VGLL4: variants seen among roughly 807,000 people sequenced by gnomAD.
The protein encoded by VGLL4 is transcription cofactor vestigial-like protein 4.
A neutral mutation model predicts 21.0 loss-of-function variants in VGLL4; 7 were observed. That is an observed-to-expected ratio of 0.33 (90% CI 0.19 to 0.63). VGLL4 has a LOEUF of 0.63. VGLL4 is among the 20% of genes least tolerant of loss of function. VGLL4 has a pLI of 0.78. For synonymous variants in VGLL4, 222 were observed against 173.2 expected, an observed-to-expected ratio of 1.28 and a Z score of -2.21; for missense variants, 394 against 425.7, an observed-to-expected ratio of 0.93 and a Z score of 0.66.
chr3:11,669,947 C>T (rs1378340553), intron 2 of VGLL4, among the ~76,000 whole-genome samples: 1 of 152,206 alleles, frequency 6.6e-6, no homozygotes, highest in Non-Finnish European at 1.5e-5. Context: ...TGAGCCACCA[C>T]ACCCAGCTAG....
rs927766604 is a variant in VGLL4, at chr3:11,656,218, A to C, written c.64+46753T>G. Reference sequence around the variant, plus strand: ...TACCAGGGAGCACACACGACAGACGAGGTCCATTCACCACACAGGGAGTGC... The same window carrying C: ...TACCAGGGAGCACACACGACAGACGCGGTCCATTCACCACACAGGGAGTGC... On this transcript the variant is annotated intron_variant, in intron 2 of 5. Coordinates refer to the VGLL4 transcript ENST00000273038. Among the ~76,000 whole-genome samples the C allele has an allele frequency of 7.2e-5, 11 of 152,236 alleles. 1 individual carries two copies. In the South Asian group the frequency reaches 2.3e-3, roughly 31 times the overall value.
chr3:11,705,392 C>T (rs2076746001), intron 1 of VGLL4, among the ~76,000 whole-genome samples: 1 of 152,150 alleles, frequency 6.6e-6, no homozygotes, highest in Admixed American at 6.5e-5. Context: ...AGGGGAGGGC[C>T]ACGGAAGACT....
intron 1 of VGLL4, among the ~76,000 whole-genome samples, chr3:11,634,007 A>G (rs2075538183): frequency 6.6e-6 from 1 of 152,166 alleles, no homozygotes; most frequent in South Asian, 2.1e-4. Flanking sequence ...GTAAGAGAGG[A>G]GTTCCCAGGA....
At chr3:11,640,279 T>G (rs2075663968) in intron 1 of VGLL4, among the ~76,000 whole-genome samples, 1 of 152,124 alleles carries the variant, frequency 6.6e-6, no homozygotes, top group Non-Finnish European at 1.5e-5. Context: ...GACAGAATGC[T>G]CTGCCTTCAC....
intron 2 of VGLL4, among the ~76,000 whole-genome samples, chr3:11,654,074 T>A (rs954945166): frequency 6.6e-6 from 1 of 151,482 alleles, no homozygotes; most frequent in African/African-American, 2.4e-5. Context: ...CTACAATGCA[T>A]AGGACACCCC....
intron 1 of VGLL4, among the ~76,000 whole-genome samples, chr3:11,616,027 C>T (rs182616124): frequency 1.3e-5 from 2 of 152,216 alleles, no homozygotes; most frequent in East Asian, 1.9e-4. Context: ...CCTCCCACCA[C>T]GAGAGATCAG....
At chr3:11,703,114 G>T (rs2076707076) in intron 1 of VGLL4, 2 of 1,353,864 alleles carry the variant, frequency 1.5e-6, no homozygotes, top group South Asian at 2.7e-5. Context: ...TAGAATCCTA[G>T]TCATTAACAG....
intron 2 of VGLL4, among the ~76,000 whole-genome samples, chr3:11,598,549 G>A (rs2074704058): frequency 6.6e-6 from 1 of 151,982 alleles, no homozygotes; most frequent in African/African-American, 2.4e-5. Flanking sequence ...GAGTGCAGTG[G>A]TGTGATCACA....
At chr3:11,716,804 GC>G (rs2076924843) in intron 1 of VGLL4, among the ~76,000 whole-genome samples, 1 of 149,828 alleles carries the variant, frequency 6.7e-6, no homozygotes, top group South Asian at 2.1e-4. Context: ...GTTTTTTTTT[GC>G]GGGGGGGTGG....
chr3:11,617,556 G>A (rs1465116624), intron 1 of VGLL4, among the ~76,000 whole-genome samples: 1 of 152,214 alleles, frequency 6.6e-6, no homozygotes, highest in African/African-American at 2.4e-5. Context: ...CTATCAGTGA[G>A]GATGGAGAAG....
intron 2 of VGLL4, among the ~76,000 whole-genome samples, chr3:11,572,643 C>A (rs1409652086): frequency 2.0e-5 from 3 of 152,146 alleles, no homozygotes; most frequent in African/African-American, 7.2e-5. Flanking sequence ...AAGCACACAT[C>A]CGTCGCATGC....
chr3:11,644,025 A>G, upstream of VGLL4: 2 of 980,220 alleles, frequency 2.0e-6, no homozygotes, highest in Middle Eastern at 1.0e-3. Context: ...TCAGCCTCTC[A>G]ATGTAGCAAG....
intron 1 of VGLL4, among the ~76,000 whole-genome samples, chr3:11,609,009 G>A (rs1393301231): frequency 6.6e-6 from 1 of 152,094 alleles, no homozygotes; most frequent in East Asian, 1.9e-4. Context: ...GACTACAAGT[G>A]CTCGCCACCA....
intron 1 of VGLL4, among the ~76,000 whole-genome samples, chr3:11,637,076 G>T (rs2075603448): frequency 6.7e-6 from 1 of 149,722 alleles, no homozygotes; most frequent in African/African-American, 2.5e-5. Flanking sequence ...AAAAAAGCTA[G>T]AATTTGTTTA....
At chr3:11,591,811 G>C (rs545357904) in intron 2 of VGLL4, among the ~76,000 whole-genome samples, 48 of 152,336 alleles carry the variant, frequency 3.2e-4, no homozygotes, top group South Asian at 1.7e-3. Flanking sequence ...ACCTCACAGA[G>C]AATCAGTTCC....
At chr3:11,705,141 T>C (rs1275698229) in intron 1 of VGLL4, among the ~76,000 whole-genome samples, 1 of 152,226 alleles carries the variant, frequency 6.6e-6, no homozygotes, top group Admixed American at 6.5e-5. Context: ...AAGGAGCCAC[T>C]GAAAACTCCA....
At chr3:11,678,582 A>G (rs1359898455) in intron 2 of VGLL4, among the ~76,000 whole-genome samples, 2 of 152,212 alleles carry the variant, frequency 1.3e-5, no homozygotes, top group Admixed American at 1.3e-4. Context: ...ATATAAAGTC[A>G]TTCATTATAA....
At chr3:11,654,490 A>T (rs950180203) in intron 2 of VGLL4, among the ~76,000 whole-genome samples, 3 of 152,240 alleles carry the variant, frequency 2.0e-5, no homozygotes, top group African/African-American at 7.2e-5. Flanking sequence ...AACTAAAAAT[A>T]AGGGGAGTTT....
chr3:11,575,477 G>C (rs1310188966), intron 2 of VGLL4, among the ~76,000 whole-genome samples: 1 of 152,190 alleles, frequency 6.6e-6, no homozygotes, highest in Admixed American at 6.5e-5. Context: ...CCTTGAGACT[G>C]GAAGGAGCTC....
Sources: allele counts gnomAD v4.1 joint callset (sites outside exome capture counted in the v4.1 genomes callset), GRCh38; gene constraint gnomAD v4.1.1; transcripts MANE v1.5; gene names NCBI Gene and HGNC (gene_info 2026-07-23, HGNC 2026-07-21).